The following TNFAIP8 variants were observed in gnomAD, a reference collection of about 807,000 sequenced individuals.
TNFAIP8 encodes the protein TNF alpha induced protein 8, also known as tumor necrosis factor alpha-induced protein 8.
In TNFAIP8, 7 loss-of-function variants were observed where a neutral mutation model predicts 13.3. The ratio of observed to expected loss-of-function variants is 0.52; its 90% CI spans 0.30 to 0.99. The LOEUF is 0.99. Among genes scored for constraint, TNFAIP8 ranks in the 50% least tolerant of loss-of-function variants. TNFAIP8 has a pLI of 0.07. For missense variants in TNFAIP8, 258 were observed against 236.9 expected (o/e 1.09, Z -0.58); for synonymous variants, 94 against 87.6 (o/e 1.07, Z -0.41).
intron 1 of TNFAIP8, among the ~76,000 whole-genome samples, chr5:119,390,017 A>T (rs1752835150): frequency 6.6e-6 from 1 of 152,196 alleles, no homozygotes; most frequent in African/African-American, 2.4e-5. Flanking sequence ...GGATATTGAG[A>T]TTTAATCAGA....
Position 119,393,059 on chromosome 5 carries a change from A to G in TNFAIP8, c.275A>G (p.Asn92Ser). 1.2e-6 allele frequency: 2 copies of G among 1,613,860 alleles called. No homozygotes were observed. Among genetic ancestry groups the G allele is most frequent in the African/African-American group, 1.3e-5 (1 of 75,056 alleles). ...LAILYRNNQFNQDELALMEKF... is the reference protein window; with the variant it reads ...LAILYRNNQFSQDELALMEKF... The stretch of plus-strand genomic sequence containing the variant: ...ATTCTTTATAGGAATAATCAGTTTA[A>G]TCAAGATGAGCTAGCATTGATGGAG... Residue 92 changes from asparagine (N) to serine (S), a missense_variant, in exon 2 of 2, where the codon AAT (asparagine) becomes AGT (serine). Physicochemically the swap from Asn to Ser is conservative, Grantham distance 46. Transcript: ENST00000504771.
At chr5:119,316,302 G>A (rs1045150157) in intron 1 of TNFAIP8, 8 of 151,950 alleles carry the variant, frequency 5.3e-5, no homozygotes, top group African/African-American at 1.9e-4. Flanking sequence ...TGGAACCACA[G>A]GTATGTGTCA....
At chr5:119,314,175 A>G (rs1171389592) in intron 1 of TNFAIP8, among the ~76,000 whole-genome samples, 2 of 2,966 alleles carry the variant, frequency 6.7e-4, no homozygotes, top group Non-Finnish European at 6.5e-3. Context: ...CTCTAAAAAC[A>G]AACAAACAAA....
chr5:119,273,446 C>T (rs1490912357), intron 1 of TNFAIP8, among the ~76,000 whole-genome samples: 1 of 150,656 alleles, frequency 6.6e-6, no homozygotes, highest in Admixed American at 6.6e-5. Context: ...TGTAGCACAA[C>T]TTCAGTGATT....
intron 1 of TNFAIP8, among the ~76,000 whole-genome samples, chr5:119,295,806 T>A (rs930205975): frequency 2.0e-4 from 31 of 152,312 alleles, no homozygotes; most frequent in African/African-American, 7.2e-4. Context: ...TTTATTTCAT[T>A]TAGCAGTGGT....
chr5:119,375,187 C>T lies in TNFAIP8; in HGVS notation c.32-17629C>T, dbSNP rs1278485211. On this transcript the variant is annotated intron_variant, in intron 1 of 1. Coordinates refer to ENST00000504771, the MANE Select transcript of TNFAIP8 (RefSeq NM_014350.4). ...TTTTCATAATCCCAACAGAAAGCAC[C>T]TTTCCACAGGGGAGCAAGTGATTGG... Among the ~76,000 whole-genome samples, 3 of 152,196 alleles carry T rather than the reference C, an allele frequency of 2.0e-5. No individual in the cohort carries two copies. In the East Asian group the frequency reaches 5.8e-4, roughly 29 times the overall value.
intron 1 of TNFAIP8, among the ~76,000 whole-genome samples, chr5:119,294,543 G>C (rs1313077317): frequency 2.0e-5 from 3 of 152,076 alleles, no homozygotes; most frequent in East Asian, 1.9e-4. Context: ...ATGATTTATA[G>C]TCCTTTGGGT....
intron 1 of TNFAIP8, among the ~76,000 whole-genome samples, chr5:119,306,023 G>T (rs1749542560): frequency 6.6e-6 from 1 of 152,074 alleles, no homozygotes; most frequent in Non-Finnish European, 1.5e-5. Flanking sequence ...CCTCAACCCC[G>T]CTGCCCACCA....
chr5:119,363,329 G>A (rs1204018163), intron 1 of TNFAIP8, among the ~76,000 whole-genome samples: 1 of 152,200 alleles, frequency 6.6e-6, no homozygotes, highest in Non-Finnish European at 1.5e-5. Context: ...TTAGTATTTA[G>A]CAGGTGATCA....
chr5:119,284,353 GA>G (rs150603396), intron 1 of TNFAIP8, among the ~76,000 whole-genome samples: 2,775 of 149,106 alleles, frequency 0.019, 88 homozygotes, highest in African/African-American at 0.064. Context: ...TTCTTCAACA[GA>G]AAAAAAAAAT....
chr5:119,321,895 G>T (rs1449262625), intron 1 of TNFAIP8, among the ~76,000 whole-genome samples: 1 of 152,058 alleles, frequency 6.6e-6, no homozygotes, highest in East Asian at 1.9e-4. Context: ...CCCTTCATGT[G>T]GCCTCTGCCC....
intron 1 of TNFAIP8, among the ~76,000 whole-genome samples, chr5:119,380,426 A>T (rs1420577710): frequency 6.6e-6 from 1 of 152,250 alleles, no homozygotes; most frequent in Non-Finnish European, 1.5e-5. Context: ...ATCAAGAGTC[A>T]GGGCCTCTGG....
intron 1 of TNFAIP8, among the ~76,000 whole-genome samples, chr5:119,279,891 A>C (rs1748575734): frequency 6.6e-6 from 1 of 152,214 alleles, no homozygotes; most frequent in African/African-American, 2.4e-5. Context: ...CAAAGTGAAA[A>C]GTTCATTGAA....
chr5:119,272,674 A>G (rs1748324784), intron 1 of TNFAIP8, among the ~76,000 whole-genome samples: 1 of 152,220 alleles, frequency 6.6e-6, no homozygotes, highest in Admixed American at 6.5e-5. Context: ...CAATAATCAA[A>G]TAATACCCAG....
chr5:119,393,365 A>T lies in TNFAIP8; in HGVS notation c.581A>T (p.Asp194Val). The change falls in exon 2 of 2, where the codon GAT becomes GTT. Residue 194 changes from aspartate to valine, a missense_variant. Asp to Val is a radical substitution (Grantham distance 152). Transcript: ENST00000504771. Reference sequence around the variant, plus strand: ...TGTGATGGTATCAACAAAATGTTGGATGAAGAGAACATATGAGCACATGAG... The same window carrying T: ...TGTGATGGTATCAACAAAATGTTGGTTGAAGAGAACATATGAGCACATGAG... Reference protein sequence around the residue: ...KLCDGINKMLDEENI With the variant: ...KLCDGINKMLVEENI The T allele has an allele frequency of 6.2e-7, 1 of 1,613,266 alleles. No homozygotes were observed. The highest frequency in any genetic ancestry group is 8.5e-7 in the Non-Finnish European group (1 of 1,179,426).
intron 1 of TNFAIP8, among the ~76,000 whole-genome samples, chr5:119,366,327 T>C (rs1751856930): frequency 6.6e-6 from 1 of 152,040 alleles, no homozygotes; most frequent in Non-Finnish European, 1.5e-5. Context: ...TTGGAGCCAA[T>C]GAAATGTGGC....
chr5:119,286,896 G>A (rs899491948), intron 1 of TNFAIP8, among the ~76,000 whole-genome samples: 2 of 152,154 alleles, frequency 1.3e-5, no homozygotes, highest in African/African-American at 4.8e-5. Context: ...TTGCTCGCTT[G>A]CCCCATCCTT....
chr5:119,398,246 G>A lies in TNFAIP8; in HGVS notation c.*4865G>A, dbSNP rs1291835814. Reference sequence around the variant, plus strand: ...TCTGCCTCGTGGAAATAAAGTAGATGATCAGGCACTTGCGGTTTGTTCTTA... The same window carrying A: ...TCTGCCTCGTGGAAATAAAGTAGATAATCAGGCACTTGCGGTTTGTTCTTA... On this transcript the variant is annotated 3_prime_UTR_variant, in exon 2 of 2. Transcript: ENST00000504771. 6.6e-6 allele frequency: 1 copy of A among 152,212 alleles called. No individual in the cohort carries two copies. The highest frequency in any genetic ancestry group is 1.5e-5 in the Non-Finnish European group (1 of 68,036). 9.4% of individuals were successfully genotyped at this position (152,212 alleles called of 1,614,324 possible). A position where few individuals can be genotyped will look rare whatever the true frequency, so the allele number is the denominator to read the frequency against.
intron 1 of TNFAIP8, among the ~76,000 whole-genome samples, chr5:119,296,425 C>T (rs567008224): frequency 2.8e-4 from 43 of 152,030 alleles, no homozygotes; most frequent in African/African-American, 1.0e-3. Context: ...TGCTGGATTA[C>T]ATTTATTGAT....
Sources: allele counts gnomAD v4.1 joint callset (sites outside exome capture counted in the v4.1 genomes callset), GRCh38; gene constraint gnomAD v4.1.1; transcripts MANE v1.5; gene names NCBI Gene and HGNC (gene_info 2026-07-23, HGNC 2026-07-21).